The following ZZEF1 variants were observed in gnomAD, a reference collection of about 807,000 sequenced individuals.
The protein encoded by ZZEF1 is zinc finger ZZ-type and EF-hand domain-containing protein 1.
Under a neutral mutation model 342.8 loss-of-function variants are expected in ZZEF1, and 157 were observed. The observed-to-expected ratio is 0.46, with a 90% CI of 0.40 to 0.52. The LOEUF is 0.52. Ranked by LOEUF, ZZEF1 falls within the 20% of genes least tolerant of loss-of-function variation. The pLI, the probability that ZZEF1 is intolerant of heterozygous loss-of-function variation, is 0.00. For synonymous variants in ZZEF1, 1,505 were observed against 1,429.1 expected (o/e 1.05, Z -1.20); for missense variants, 3,480 against 3,725.6 (o/e 0.93, Z 1.72).
At chr17:4,142,456 T>G in intron 1 of ZZEF1, 86 bp downstream of exon 1, 1 of 1,414,040 alleles carries the variant, frequency 7.1e-7, no homozygotes, top group Admixed American at 2.4e-5. Flanking sequence ...CCGCCTGGCC[T>G]CTCCAAAGCA....
intron 43 of ZZEF1, among the ~76,000 whole-genome samples, chr17:4,024,200 T>TTTTTG (rs2056349165): frequency 7.1e-6 from 1 of 140,654 alleles, no homozygotes; most frequent in African/African-American, 2.7e-5. Context: ...TTTTTTTTTT[T>TTTTTG]TTTTTTTTTT....
At chr17:4,066,671 T>G in intron 27 of ZZEF1, 131 bp from the exon 28 acceptor site, 1 of 768,548 alleles carries the variant, frequency 1.3e-6, no homozygotes, top group South Asian at 1.6e-5. Flanking sequence ...TTAGAGGGGT[T>G]TGTAATACTC....
In ZZEF1 at chr17:4,142,803, C is replaced by G. The variant is rs1427482133; in HGVS notation, c.93G>C (p.Ser31=). 1 of 1,407,832 alleles carries G rather than the reference C, an allele frequency of 7.1e-7. No individual in the cohort carries two copies. The highest frequency in any genetic ancestry group is 9.2e-7 in the Non-Finnish European group (1 of 1,092,864). The allele number at this position is 1,407,832 out of a possible 1,614,324, so 87.2% of individuals were successfully genotyped here. ...WGPHQDWAAV[S]GTTPGPGVAA... ...CGACGCCCGGGCCGGGGGTCGTGCC[C>G]GAGACCGCGGCCCAGTCCTGGTGTG... Residue 31 remains serine, a synonymous_variant, in exon 1 of 55, where the codon TCG becomes TCC. Transcript: ENST00000381638.
intron 33 of ZZEF1, among the ~76,000 whole-genome samples, chr17:4,055,746 C>A (rs908700974): frequency 6.6e-6 from 1 of 152,188 alleles, no homozygotes; most frequent in African/African-American, 2.4e-5. Context: ...TGAGTGTAGT[C>A]AAATCAGGAT....
intron 1 of ZZEF1, among the ~76,000 whole-genome samples, chr17:4,133,039 C>T (rs924691877): frequency 3.9e-5 from 6 of 152,172 alleles, no homozygotes; most frequent in South Asian, 2.1e-4. Flanking sequence ...TGAGGCCCTG[C>T]GGTGGGAACG....
chr17:4,061,983 C>T (rs939761452), intron 30 of ZZEF1, among the ~76,000 whole-genome samples: 5 of 152,118 alleles, frequency 3.3e-5, no homozygotes, highest in Admixed American at 1.3e-4. Context: ...AGTGGTTTCC[C>T]AACTACAACT....
In ZZEF1 at chr17:4,016,246, AG is replaced by A. The variant is rs1244527365; in HGVS notation, c.8145+76del. ...AGAGCCACAGAGGGGCTGAGCATGG[AG>A]GGGCTGAGCACGGAGGGGCTGACGA... is the stretch of plus-strand genomic sequence containing the variant. On this transcript the variant is annotated intron_variant, in intron 49 of 54. Transcript: ENST00000381638. This position sits in a 1 kb window ranked among gnomAD's most constrained non-coding sequence, Gnocchi z 4.4. 4 of 1,513,846 alleles carry A rather than the reference AG, an allele frequency of 2.6e-6. No individual in the cohort carries two copies. Among genetic ancestry groups the A allele is most frequent in the Non-Finnish European group, 3.6e-6 (4 of 1,126,176 alleles). 93.8% of individuals were successfully genotyped at this position (1,513,846 alleles called of 1,614,324 possible).
In ZZEF1 at chr17:4,025,062, C is replaced by T. The variant is rs897686577; in HGVS notation, c.6949G>A (p.Ala2317Thr). The T allele has an allele frequency of 3.1e-6, 5 of 1,614,140 alleles. No homozygotes were observed. The highest frequency in any genetic ancestry group is 4.2e-6 in the Non-Finnish European group (5 of 1,180,030). ...GGGQECGDSR[A>T]QLSQYSQHFA... ...TGCTGGGAGTACTGGCTCAGCTGGG[C>T]CCGAGAGTCACCACACTCTTGTCCT... is the stretch of plus-strand genomic sequence containing the variant. The change falls in exon 43 of 55, where the codon GCC becomes ACC. Residue 2317 changes from alanine to threonine, a missense_variant. Coordinates refer to ENST00000381638, the MANE Select transcript of ZZEF1 (RefSeq NM_015113.4).
intron 32 of ZZEF1, among the ~76,000 whole-genome samples, chr17:4,057,485 G>A (rs2057189059): frequency 6.6e-6 from 1 of 152,182 alleles, no homozygotes; most frequent in Non-Finnish European, 1.5e-5. Flanking sequence ...GTAGAGTGGA[G>A]AGATACGGGC....
At chr17:4,129,534 T>C (rs567209223) in intron 1 of ZZEF1, among the ~76,000 whole-genome samples, 2 of 151,624 alleles carry the variant, frequency 1.3e-5, no homozygotes, top group South Asian at 4.2e-4. Context: ...TCAACATAAA[T>C]AAGGTAAAAA....
intron 36 of ZZEF1, 34 bp from the exon 37 acceptor site, chr17:4,049,893 G>A (rs2057008970): frequency 1.2e-6 from 2 of 1,602,548 alleles, no homozygotes; most frequent in Middle Eastern, 3.3e-4. Flanking sequence ...ATGGTTAGAA[G>A]TTTTATAATG....
In ZZEF1 at chr17:4,014,799, G is replaced by A. The variant is rs922734050; in HGVS notation, c.8146-284C>T. On this transcript the variant is annotated intron_variant, in intron 49 of 54. Transcript: ENST00000381638. This position sits in a 1 kb window ranked among gnomAD's most constrained non-coding sequence, Gnocchi z 4.4. Reference sequence around the variant, plus strand: ...CAGGAGGACCCTGTTAGGAGAAGGCGGGAGTGGGAGACAAGGTGGACCTGA... The same window carrying A: ...CAGGAGGACCCTGTTAGGAGAAGGCAGGAGTGGGAGACAAGGTGGACCTGA... Among the ~76,000 whole-genome samples, 4 of 152,334 alleles carry A rather than the reference G, an allele frequency of 2.6e-5. No individual in the cohort carries two copies. Among genetic ancestry groups the A allele is most frequent in the East Asian group, 1.9e-4 (1 of 5,186 alleles).
At chr17:4,139,466 T>C (rs544314669) in intron 1 of ZZEF1, among the ~76,000 whole-genome samples, 3 of 152,374 alleles carry the variant, frequency 2.0e-5, no homozygotes, top group African/African-American at 7.2e-5. Context: ...AAGACATTAC[T>C]TCACAAGCCC....
chr17:4,117,128 C>G lies in ZZEF1; in HGVS notation c.538G>C (p.Asp180His), dbSNP rs140805803. ...CGCAGTATCATTGACGAGTGAATAT[C>G]AAGGCCCTCCTTCGACTCTGAAAAT... Reference protein sequence around the residue: ...DIFSESKEGLDIHSSMILRFL... With the variant: ...DIFSESKEGLHIHSSMILRFL... The change falls in exon 3 of 55, where the codon GAT becomes CAT. Residue 180 changes from aspartate to histidine, a missense_variant. By Grantham distance (81) the Asp-to-His change is moderately conservative. This residue lies in a region of ZZEF1 where 416 missense variants were observed against 374.2 expected (regional missense o/e 1.11). Coordinates refer to ENST00000381638, the MANE Select transcript of ZZEF1 (RefSeq NM_015113.4). 1.2e-6 allele frequency: 2 copies of G among 1,613,722 alleles called. No individual in the cohort carries two copies. The highest frequency in any genetic ancestry group is 1.7e-6 in the Non-Finnish European group (2 of 1,179,758).
chr17:4,006,880 C>A lies in ZZEF1; in HGVS notation c.*10G>T. ...CAGATGAACTAGTCCCATGCACGCC[C>A]CACCAAGGGCTAACACTCCACATTC... On this transcript the variant is annotated 3_prime_UTR_variant, in exon 55 of 55. Coordinates refer to ENST00000381638, the MANE Select transcript of ZZEF1 (RefSeq NM_015113.4). 6.3e-7 allele frequency: 1 copy of A among 1,577,658 alleles called. No individual in the cohort carries two copies. Among genetic ancestry groups the A allele is most frequent in the Middle Eastern group, 1.7e-4 (1 of 6,022 alleles).
intron 6 of ZZEF1, among the ~76,000 whole-genome samples, chr17:4,109,355 G>A (rs895939111): frequency 1.3e-5 from 2 of 152,198 alleles, no homozygotes; most frequent in Non-Finnish European, 2.9e-5. Context: ...CACAGCATAA[G>A]TGACCTCCTC....
intron 42 of ZZEF1, among the ~76,000 whole-genome samples, chr17:4,030,123 A>C (rs539520200): frequency 6.6e-6 from 1 of 152,242 alleles, no homozygotes; most frequent in Admixed American, 6.5e-5. Context: ...TCTGGGCAGT[A>C]ATCAAAGAAA....
intron 18 of ZZEF1, among the ~76,000 whole-genome samples, chr17:4,078,520 C>A (rs1226633797): frequency 1.3e-5 from 2 of 152,168 alleles, no homozygotes; most frequent in African/African-American, 4.8e-5. Flanking sequence ...CAGGTACAAC[C>A]CAGGCAATAC....
At position 4,052,000 on chromosome 17, in the gene ZZEF1, T is replaced by C. The variant is rs371238630; in HGVS notation, c.5571A>G (p.Gly1857=). The C allele has an allele frequency of 1.6e-5, 26 of 1,613,998 alleles. No individual in the cohort carries two copies. The highest frequency in any genetic ancestry group is 8.9e-5 in the East Asian group (4 of 44,892). The change falls in exon 35 of 55, where the codon GGA becomes GGG. Residue 1857 remains glycine, a synonymous_variant. Coordinates refer to ENST00000381638, the MANE Select transcript of ZZEF1 (RefSeq NM_015113.4). ...NVCDDFDLCY[G]CYAAKKYSYG... ...AGGAGTATTTCTTCGCTGCATAGCATCCGTAGCAAAGATCAAAGTCATCGC... is the reference window on the plus strand; with the variant it reads ...AGGAGTATTTCTTCGCTGCATAGCACCCGTAGCAAAGATCAAAGTCATCGC...
Sources: allele counts gnomAD v4.1 joint callset (sites outside exome capture counted in the v4.1 genomes callset), GRCh38; gene constraint gnomAD v4.1.1; regional missense constraint gnomAD v4.1.1; non-coding constraint Gnocchi (gnomAD v3.1); transcripts MANE v1.5; gene names NCBI Gene and HGNC (gene_info 2026-07-23, HGNC 2026-07-21).